Variants in CALD1 observed in about 807,000 individuals in gnomAD.
The protein encoded by CALD1 is caldesmon 1.
Under a neutral mutation model 99.9 loss-of-function variants are expected in CALD1, and 33 were observed. The observed-to-expected ratio is 0.33, with a 90% CI of 0.25 to 0.44. The LOEUF (loss-of-function observed/expected upper bound fraction) is 0.44. CALD1 is among the 20% of genes least tolerant of loss of function. The probability of loss-of-function intolerance (pLI) is 1.00; values close to 1 mark genes in which losing one functional copy is unlikely to be tolerated. For synonymous variants in CALD1, 310 were observed against 325.0 expected (o/e 0.95, Z 0.50); for missense variants, 861 against 962.1 (o/e 0.89, Z 1.39).
At chr7:134,743,466 G>T (rs1426483282), upstream of CALD1, among the ~76,000 whole-genome samples, 1 of 152,098 alleles carries the variant, frequency 6.6e-6, no homozygotes. Flanking sequence ...ATCTAAGGGG[G>T]GTGGGAATTG....
chr7:134,921,893 G>A (rs1804646649), intron 3 of CALD1, among the ~76,000 whole-genome samples: 1 of 152,074 alleles, frequency 6.6e-6, no homozygotes, highest in African/African-American at 2.4e-5. Context: ...CTACCCTAAA[G>A]AAATACTTGC....
the CALD1 span, among the ~76,000 whole-genome samples, chr7:134,731,360 TTTC>T: frequency 6.6e-5 from 10 of 152,334 alleles, no homozygotes; most frequent in Admixed American, 2.6e-4. Flanking sequence ...CTTTCAAACT[TTTC>T]TTTGAAAAGT....
intron 1 of CALD1, among the ~76,000 whole-genome samples, chr7:134,795,620 C>T (rs1439025457): frequency 6.6e-6 from 1 of 152,098 alleles, no homozygotes; most frequent in East Asian, 1.9e-4. Flanking sequence ...CCCCCTCCTC[C>T]TTTTCTTTCT....
At chr7:134,731,123 G>T in the CALD1 span, among the ~76,000 whole-genome samples, 1 of 152,024 alleles carries the variant, frequency 6.6e-6, no homozygotes, top group Non-Finnish European at 1.5e-5. Flanking sequence ...ATCTCCTCCT[G>T]CCTGCCTTGA....
chr7:134,894,887 T>G (rs960186009), intron 3 of CALD1, among the ~76,000 whole-genome samples: 6 of 152,296 alleles, frequency 3.9e-5, no homozygotes, highest in African/African-American at 1.4e-4. Flanking sequence ...AATATTTGTT[T>G]TAGTCCATAA....
At chr7:134,947,959 G>A in intron 8 of CALD1, 190 bp downstream of exon 8, 1 of 617,666 alleles carries the variant, frequency 1.6e-6, no homozygotes. Context: ...GCTGACCTAG[G>A]TACTAATCCC....
intron 1 of CALD1, among the ~76,000 whole-genome samples, chr7:134,806,415 C>T (rs534753960): frequency 7.5e-4 from 114 of 152,298 alleles, no homozygotes; most frequent in African/African-American, 2.6e-3. Context: ...TTTACACAGG[C>T]GCTCAGTTCC....
At chr7:134,921,621 G>A (rs901943312) in intron 3 of CALD1, among the ~76,000 whole-genome samples, 3 of 152,268 alleles carry the variant, frequency 2.0e-5, no homozygotes, top group South Asian at 4.2e-4. Flanking sequence ...AGACCAGTCT[G>A]GCCAACATGG....
In CALD1 at chr7:134,764,821, A is replaced by G. The variant is rs1796811818; in HGVS notation, c.-130+20458A>G. On this transcript the variant is annotated intron_variant, in intron 1 of 13. Coordinates refer to the CALD1 transcript ENST00000417172. ...GCACCAAGACTGAAGTCACTGAGGC[A>G]GGAGGTGCACTACGTGATGTGGGGC... 3.3e-5 allele frequency among the ~76,000 whole-genome samples: 5 copies of G among 152,176 alleles called. 1 individual carries two copies. In the South Asian group the frequency reaches 1.0e-3, roughly 32 times the overall value.
At chr7:134,954,394 C>CA (rs1215273462) in intron 9 of CALD1, among the ~76,000 whole-genome samples, 2 of 152,148 alleles carry the variant, frequency 1.3e-5, no homozygotes, top group African/African-American at 4.8e-5. Flanking sequence ...ACAATACTGC[C>CA]ACCTCTTGGT....
chr7:134,966,270 T>C (rs1318699488), intron 14 of CALD1, among the ~76,000 whole-genome samples: 1 of 152,186 alleles, frequency 6.6e-6, no homozygotes, highest in East Asian at 1.9e-4. Flanking sequence ...TACCTTCCCT[T>C]TCCCACTTTC....
rs551110449 is a variant in CALD1, at chr7:134,898,954, A to G, written c.72-29800A>G. ...GAGCGTGCTTTGCCTGATATTATCT[A>G]CTCTAACCCAGTAGATTTATAAACA... On this transcript the variant is annotated intron_variant, in intron 3 of 14. Transcript: ENST00000361675. Among the ~76,000 whole-genome samples the G allele has an allele frequency of 2.0e-3, 300 of 152,228 alleles. 6 individuals carry two copies. Among genetic ancestry groups the G allele is most frequent in the Admixed American group, 0.018 (278 of 15,296 alleles).
intron 2 of CALD1, among the ~76,000 whole-genome samples, chr7:134,860,152 C>CA (rs1800501146): frequency 6.6e-6 from 1 of 152,294 alleles, no homozygotes; most frequent in African/African-American, 2.4e-5. Flanking sequence ...CTGTTCTTGA[C>CA]AGACCTGCCT....
chr7:134,893,223 T>C (rs1275477297), intron 3 of CALD1, among the ~76,000 whole-genome samples: 1 of 152,130 alleles, frequency 6.6e-6, no homozygotes, highest in Non-Finnish European at 1.5e-5. Flanking sequence ...CCGGGATGGT[T>C]GTCATTGCCT....
the CALD1 span, among the ~76,000 whole-genome samples, chr7:134,718,497 A>G: frequency 6.6e-6 from 1 of 152,206 alleles, no homozygotes; most frequent in South Asian, 2.1e-4. Context: ...TATAAATTAC[A>G]TACTTATATT....
At chr7:134,771,780 G>A (rs968162726) in intron 1 of CALD1, among the ~76,000 whole-genome samples, 7 of 152,126 alleles carry the variant, frequency 4.6e-5, no homozygotes, top group Admixed American at 4.6e-4. Flanking sequence ...TATTTAATAT[G>A]CACTTGCTGT....
intron 1 of CALD1, among the ~76,000 whole-genome samples, chr7:134,797,504 A>G (rs1381426090): frequency 6.6e-6 from 1 of 152,216 alleles, no homozygotes; most frequent in Non-Finnish European, 1.5e-5. Context: ...TGCTCCAGGA[A>G]CCTAAGAAGA....
chr7:134,839,263 C>T (rs1376927232), intron 1 of CALD1, among the ~76,000 whole-genome samples: 1 of 152,132 alleles, frequency 6.6e-6, no homozygotes, highest in Non-Finnish European at 1.5e-5. Context: ...ATTCTAATTG[C>T]TATATAGGGT....
At chr7:134,717,690 C>G in the CALD1 span, among the ~76,000 whole-genome samples, 44 of 152,290 alleles carry the variant, frequency 2.9e-4, no homozygotes, top group African/African-American at 1.1e-3. Flanking sequence ...ATAGGGAAGG[C>G]CCTGCCAGCT....
Sources: allele counts gnomAD v4.1 joint callset (sites outside exome capture counted in the v4.1 genomes callset), GRCh38; gene constraint gnomAD v4.1.1; transcripts MANE v1.5; gene names NCBI Gene and HGNC (gene_info 2026-07-23, HGNC 2026-07-21).